The following TBC1D12 variants were observed in gnomAD, a reference collection of about 807,000 sequenced individuals.
TBC1D12 encodes the protein TBC1 domain family member 12, also known as TBC1 domain family, member 12.
A neutral mutation model predicts 86.7 loss-of-function variants in TBC1D12; 56 were observed. That is an observed-to-expected ratio of 0.65 (90% CI 0.52 to 0.81). TBC1D12 has a LOEUF of 0.81. Among genes scored for constraint, TBC1D12 ranks in the 30% least tolerant of loss-of-function variants. The probability of loss-of-function intolerance (pLI) is 0.00; values close to 1 mark genes in which losing one functional copy is unlikely to be tolerated. For synonymous variants in TBC1D12, 421 were observed against 411.7 expected, an observed-to-expected ratio of 1.02 and a Z score of -0.27; for missense variants, 1,023 against 1,038.8, an observed-to-expected ratio of 0.98 and a Z score of 0.21.
Position 94,468,169 on chromosome 10 carries a change from A to T in TBC1D12, c.1096-6499A>T, listed in dbSNP as rs923223796. ...ACCTCCTTTCTAACTTTTGTGCTGTAAACTGCTTATTTACATTTACCAGTA... is the reference window on the plus strand; with the variant it reads ...ACCTCCTTTCTAACTTTTGTGCTGTTAACTGCTTATTTACATTTACCAGTA... On this transcript the variant is annotated intron_variant, in intron 2 of 12. Transcript: ENST00000225235. 1.1e-4 allele frequency among the ~76,000 whole-genome samples: 16 copies of T among 152,350 alleles called. No homozygotes were observed. In the East Asian group the frequency reaches 1.2e-3, roughly 11 times the overall value.
At chr10:94,483,831 G>A (rs2056117882) in intron 3 of TBC1D12, among the ~76,000 whole-genome samples, 1 of 152,070 alleles carries the variant, frequency 6.6e-6, no homozygotes, top group Non-Finnish European at 1.5e-5. Flanking sequence ...TGCTTGTGAG[G>A]TATTAATCAA....
intron 1 of TBC1D12, among the ~76,000 whole-genome samples, chr10:94,440,874 C>T (rs560173222): frequency 6.6e-6 from 1 of 152,046 alleles, no homozygotes; most frequent in South Asian, 2.1e-4. Context: ...ATCCTTAATA[C>T]TTGTGCAGGG....
At chr10:94,530,140 C>T (rs1306128899) in intron 11 of TBC1D12, among the ~76,000 whole-genome samples, 1 of 152,118 alleles carries the variant, frequency 6.6e-6, no homozygotes, top group Non-Finnish European at 1.5e-5. Flanking sequence ...ATCAGCACTA[C>T]CTCAAATAAA....
chr10:94,474,508 A>G (rs919613258), intron 2 of TBC1D12, among the ~76,000 whole-genome samples, 160 bp from the exon 3 acceptor site: 4 of 152,030 alleles, frequency 2.6e-5, no homozygotes, highest in African/African-American at 9.7e-5. Context: ...CACCTCCAAA[A>G]AAAAAACTTT....
chr10:94,497,216 A>G, intron 5 of TBC1D12, 44 bp downstream of exon 5: 1 of 1,143,346 alleles, frequency 8.7e-7, no homozygotes, highest in Non-Finnish European at 1.2e-6. Context: ...GTCTCCGAAG[A>G]TCTCATGTTT....
intron 3 of TBC1D12, among the ~76,000 whole-genome samples, chr10:94,477,264 T>C (rs2056003983): frequency 6.6e-6 from 1 of 152,190 alleles, no homozygotes; most frequent in Non-Finnish European, 1.5e-5. Flanking sequence ...TTGTTCACCT[T>C]TTTAAATTTG....
rs1338591904 is a variant in TBC1D12 at position 94,402,949 on chromosome 10, C to A, written c.336C>A (p.Gly112=). 1.3e-6 allele frequency: 2 copies of A among 1,566,402 alleles called. No homozygotes were observed. Among genetic ancestry groups the A allele is most frequent in the Non-Finnish European group, 1.7e-6 (2 of 1,161,328 alleles). The change falls in exon 1 of 13, where the codon GGC becomes GGA. Residue 112 remains glycine (G), a synonymous_variant. Coordinates refer to ENST00000225235, the MANE Select transcript of TBC1D12 (RefSeq NM_015188.2). ...AAPRSDACLL[G]SGSKHRGAEV... is the part of the protein sequence containing the mutation. ...CACGATCGGACGCCTGCCTGCTGGG[C>A]TCGGGCTCCAAACACCGCGGCGCGG...
At chr10:94,420,264 T>C (rs1236256986) in intron 1 of TBC1D12, among the ~76,000 whole-genome samples, 1 of 152,144 alleles carries the variant, frequency 6.6e-6, no homozygotes, top group Non-Finnish European at 1.5e-5. Flanking sequence ...CAGAAGAGAC[T>C]CCTCACCAGA....
chr10:94,457,365 G>C (rs1401113143), intron 2 of TBC1D12, among the ~76,000 whole-genome samples: 1 of 152,142 alleles, frequency 6.6e-6, no homozygotes, highest in South Asian at 2.1e-4. Flanking sequence ...ACATGGCTGG[G>C]TCTTCTTTTG....
At chr10:94,475,173 T>G (rs1236331700) in intron 3 of TBC1D12, among the ~76,000 whole-genome samples, 3 of 152,254 alleles carry the variant, frequency 2.0e-5, no homozygotes, top group Non-Finnish European at 4.4e-5. Flanking sequence ...TCTTTATGTC[T>G]GTTTCTATTT....
chr10:94,526,368 C>T (rs749971897), intron 11 of TBC1D12, among the ~76,000 whole-genome samples: 5 of 149,004 alleles, frequency 3.4e-5, no homozygotes, highest in Non-Finnish European at 7.4e-5. Context: ...CTAGGAGGCT[C>T]AAGTGAGCTG....
intron 4 of TBC1D12, among the ~76,000 whole-genome samples, chr10:94,495,027 C>CT (rs34125941): frequency 0.4 from 55,749 of 140,262 alleles, 11,454 homozygotes; most frequent in East Asian, 0.73. Context: ...ACACCCAGCT[C>CT]TTTTTTTTTT....
At chr10:94,469,140 A>G (rs1194258792) in intron 2 of TBC1D12, among the ~76,000 whole-genome samples, 1 of 152,242 alleles carries the variant, frequency 6.6e-6, no homozygotes, top group Non-Finnish European at 1.5e-5. Flanking sequence ...GAACAAAATC[A>G]AGTATTATTC....
intron 9 of TBC1D12, among the ~76,000 whole-genome samples, chr10:94,519,575 AC>A (rs1360297437): frequency 6.6e-6 from 1 of 152,214 alleles, no homozygotes; most frequent in Non-Finnish European, 1.5e-5. Flanking sequence ...ACACAAAGTT[AC>A]TGTTTGACAA....
chr10:94,523,647 T>A (rs1842211949), intron 11 of TBC1D12, among the ~76,000 whole-genome samples: 1 of 152,116 alleles, frequency 6.6e-6, no homozygotes, highest in Admixed American at 6.5e-5. Context: ...ACACACAATT[T>A]TATTTCCTAG....
rs1214583293 is a variant in TBC1D12 at position 94,470,121 on chromosome 10, G to A, written c.1096-4547G>A. Among the ~76,000 whole-genome samples the A allele has an allele frequency of 6.6e-5, 10 of 152,090 alleles. No homozygotes were observed. The South Asian group carries it at 1.5e-3, about 22-fold the overall frequency. ...ATTTCTCATTACGTCTTCAAATCAC[G>A]TGGAGGAGGGGAGAACTGAGAGAAC... On this transcript the variant is annotated intron_variant, in intron 2 of 12. Transcript: ENST00000225235.
chr10:94,438,539 T>C (rs78988234), intron 1 of TBC1D12, among the ~76,000 whole-genome samples: 6,423 of 152,156 alleles, frequency 0.042, 485 homozygotes, highest in African/African-American at 0.15. Flanking sequence ...TTGAAGGACA[T>C]GATCCCTACT....
In TBC1D12 at chr10:94,485,646, C is replaced by T. The variant is rs549499931; in HGVS notation, c.1212-7719C>T. Among the ~76,000 whole-genome samples, 23 of 149,840 alleles carry T rather than the reference C, an allele frequency of 1.5e-4. No individual in the cohort carries two copies. The South Asian group carries it at 1.9e-3, about 12-fold the overall frequency. On this transcript the variant is annotated intron_variant, in intron 3 of 12. Transcript: ENST00000225235. Reference sequence around the variant, plus strand: ...TAAGAATTCCCTCCTCTATTTTTTGCAGTAATTTGAGTAGGATTGTTGTCA... The same window carrying T: ...TAAGAATTCCCTCCTCTATTTTTTGTAGTAATTTGAGTAGGATTGTTGTCA...
chr10:94,457,272 A>G (rs1220241775), intron 2 of TBC1D12, among the ~76,000 whole-genome samples: 3 of 151,782 alleles, frequency 2.0e-5, no homozygotes, highest in African/African-American at 7.3e-5. Context: ...CCACCCCCTG[A>G]CAGGCCCCTG....
Sources: gnomAD v4.1 joint callset for allele counts (sites outside exome capture counted in the v4.1 genomes callset) on GRCh38, gnomAD v4.1.1 for gene constraint, MANE v1.5 for transcripts, NCBI Gene and HGNC (gene_info 2026-07-23, HGNC 2026-07-21) for gene names.